OXR1: variants seen among roughly 807,000 people sequenced by gnomAD.
The protein encoded by OXR1 is oxidation resistance 1.
A neutral mutation model predicts 104.6 loss-of-function variants in OXR1; 41 were observed. The ratio of observed to expected loss-of-function variants is 0.39; its 90% CI spans 0.31 to 0.51. The LOEUF is 0.51. OXR1 is among the 20% of genes least tolerant of loss of function. The pLI, the probability that OXR1 is intolerant of heterozygous loss-of-function variation, is 0.77. For missense variants in OXR1, 955 were observed against 1,031.9 expected (o/e 0.93, Z 1.02); for synonymous variants, 348 against 348.4 (o/e 1.00, Z 0.01).
chr8:106,570,075 TG>T (rs1217731508), intron 3 of OXR1, among the ~76,000 whole-genome samples: 1 of 152,194 alleles, frequency 6.6e-6, no homozygotes, highest in East Asian at 1.9e-4. Flanking sequence ...GTTTGACCCC[TG>T]GCCATGATTC....
chr8:106,589,340 C>CCTT (rs533752369), intron 3 of OXR1, among the ~76,000 whole-genome samples: 1 of 137,098 alleles, frequency 7.3e-6, no homozygotes, highest in East Asian at 2.1e-4. Context: ...GCCCTGGAGC[C>CCTT]TTTTTTTTTT....
chr8:106,571,314 C>A (rs375393724), intron 3 of OXR1, among the ~76,000 whole-genome samples: 1 of 152,144 alleles, frequency 6.6e-6, no homozygotes, highest in East Asian at 1.9e-4. Context: ...CTCTTCCTGG[C>A]TTGTAGACAG....
chr8:106,338,682 A>T (rs1458477821), intron 1 of OXR1, among the ~76,000 whole-genome samples: 1 of 152,146 alleles, frequency 6.6e-6, no homozygotes, highest in Non-Finnish European at 1.5e-5. Context: ...TTTTTATAAA[A>T]CGGAGGCTAC....
chr8:106,479,849 C>T (rs557758028), intron 2 of OXR1, among the ~76,000 whole-genome samples: 5 of 152,074 alleles, frequency 3.3e-5, no homozygotes, highest in Admixed American at 3.3e-4. Context: ...TTATAATTTA[C>T]TCTCCAAAAG....
intron 2 of OXR1, among the ~76,000 whole-genome samples, 166 bp from the exon 3 acceptor site, chr8:106,518,777 T>C (rs1339835432): frequency 6.6e-6 from 1 of 152,224 alleles, no homozygotes; most frequent in Non-Finnish European, 1.5e-5. Context: ...CAAAAATATT[T>C]GTAGAATTTT....
intron 1 of OXR1, among the ~76,000 whole-genome samples, chr8:106,282,658 A>G (rs112928029): frequency 1.8e-4 from 28 of 152,366 alleles, no homozygotes; most frequent in African/African-American, 5.8e-4. Flanking sequence ...ATATGTTTAT[A>G]CATTAAGTGG....
chr8:106,413,599 A>G (rs1312373833), intron 2 of OXR1, among the ~76,000 whole-genome samples: 1 of 152,150 alleles, frequency 6.6e-6, no homozygotes, highest in Admixed American at 6.6e-5. Flanking sequence ...CCCCCATACT[A>G]TCTAGAAAAT....
chr8:106,591,313 A>C (rs1269384547), intron 3 of OXR1, among the ~76,000 whole-genome samples: 1 of 76,674 alleles, frequency 1.3e-5, no homozygotes, highest in African/African-American at 5.1e-5. Context: ...GGGAGGGGGG[A>C]GGGATAGCAT....
intron 3 of OXR1, among the ~76,000 whole-genome samples, chr8:106,623,093 A>T (rs1165429116): frequency 2.6e-5 from 4 of 152,200 alleles, no homozygotes; most frequent in Non-Finnish European, 5.9e-5. Context: ...ATATGTTCAG[A>T]TCACTGACTG....
chr8:106,569,798 A>G (rs1365000962), intron 3 of OXR1, among the ~76,000 whole-genome samples: 1 of 152,196 alleles, frequency 6.6e-6, no homozygotes, highest in Non-Finnish European at 1.5e-5. Context: ...GCCCATTTAA[A>G]TTAATTCTAA....
chr8:106,749,283 C>A (rs1479151543), intron 16 of OXR1, among the ~76,000 whole-genome samples: 1 of 150,414 alleles, frequency 6.6e-6, no homozygotes, highest in East Asian at 2.0e-4. Context: ...GCGGAGCTTG[C>A]AGTGCGCCAA....
intron 2 of OXR1, among the ~76,000 whole-genome samples, chr8:106,489,053 T>C (rs1280674013): frequency 6.7e-6 from 1 of 149,588 alleles, no homozygotes; most frequent in Non-Finnish European, 1.5e-5. Flanking sequence ...TTCCTACCCA[T>C]GAGCATGGAA....
chr8:106,354,532 C>T (rs78848117), intron 1 of OXR1, among the ~76,000 whole-genome samples: 1,855 of 152,162 alleles, frequency 0.012, 29 homozygotes, highest in African/African-American at 0.042. Flanking sequence ...TGTTTAGTAT[C>T]CCCTTTGGAA....
At chr8:106,517,762 G>A (rs1204225105) in intron 2 of OXR1, among the ~76,000 whole-genome samples, 1 of 152,066 alleles carries the variant, frequency 6.6e-6, no homozygotes, top group Non-Finnish European at 1.5e-5. Context: ...CTATTTTCAT[G>A]GATATTAAGA....
intron 9 of OXR1, among the ~76,000 whole-genome samples, chr8:106,710,133 A>G (rs1831549917): frequency 6.6e-6 from 1 of 152,128 alleles, no homozygotes; most frequent in Non-Finnish European, 1.5e-5. Context: ...AATCTAACAT[A>G]TTATTGACTG....
chr8:106,521,899 G>T (rs1202394276), intron 3 of OXR1, among the ~76,000 whole-genome samples: 1 of 152,080 alleles, frequency 6.6e-6, no homozygotes, highest in Non-Finnish European at 1.5e-5. Context: ...CCTTGCCAAC[G>T]AACGAACCCG....
At chr8:106,499,411 T>A (rs1265872578) in intron 2 of OXR1, among the ~76,000 whole-genome samples, 1 of 152,070 alleles carries the variant, frequency 6.6e-6, no homozygotes, top group Non-Finnish European at 1.5e-5. Context: ...ATGTAAAATA[T>A]CCTTCCTCTT....
chr8:106,307,494 T>C (rs1442489957), intron 1 of OXR1, among the ~76,000 whole-genome samples: 1 of 152,174 alleles, frequency 6.6e-6, no homozygotes, highest in Non-Finnish European at 1.5e-5. Context: ...TTTCCTATAA[T>C]GTTTTCTCAG....
At chr8:106,651,091 A>G (rs1169723744) in intron 3 of OXR1, among the ~76,000 whole-genome samples, 2 of 152,204 alleles carry the variant, frequency 1.3e-5, no homozygotes, top group Non-Finnish European at 1.5e-5. Context: ...ATGTTGATAG[A>G]TCCTGCAAAA....
Sources: allele counts gnomAD v4.1 joint callset (sites outside exome capture counted in the v4.1 genomes callset), GRCh38; gene constraint gnomAD v4.1.1; transcripts MANE v1.5; gene names NCBI Gene and HGNC (gene_info 2026-07-23, HGNC 2026-07-21).